TTN: variants seen among roughly 807,000 people sequenced by gnomAD.
TTN encodes the protein titin.
In TTN, 1,525 loss-of-function variants were observed where a neutral mutation model predicts 3,223.0. The observed-to-expected ratio is 0.47, with a 90% CI of 0.45 to 0.49. The LOEUF (loss-of-function observed/expected upper bound fraction) is 0.49, where lower values mean the gene tolerates loss of function less well. Ranked by LOEUF, TTN falls within the 20% of genes least tolerant of loss-of-function variation. The pLI is 0.00. For synonymous variants in TTN, 14,094 were observed against 15,161.0 expected (o/e 0.93, Z 5.17); for missense variants, 40,786 against 43,424.0 (o/e 0.94, Z 5.40).
chr2:178,667,220 A>G lies in TTN; in HGVS notation c.35797+16T>C, dbSNP rs1407065940. 3 of 1,578,106 alleles carry G rather than the reference A, an allele frequency of 1.9e-6. No homozygotes were observed. Among genetic ancestry groups the G allele is most frequent in the East Asian group, 4.6e-5 (2 of 43,870 alleles). On this transcript the variant is annotated intron_variant, in intron 162 of 362. Transcript: ENST00000589042. The stretch of plus-strand genomic sequence containing the variant: ...TATATTTTCTTCTTTAGATTTTCCT[A>G]ACTAGAGAATTATACCTTCAGTTGG...
At position 178,731,071 on chromosome 2, in the gene TTN, A is replaced by G. The variant is rs1372169677; in HGVS notation, c.17594T>C (p.Leu5865Pro). ...GACACTGATTTTATATTTTGAGCCC[A>G]GGGTCAGTTCTTGGCCATCTTTAAA... ...KWFKDGQELT[L>P]GSKYKISVTD... Residue 5865 changes from leucine (L) to proline (P), a missense_variant, in exon 60 of 363, where the codon CTG (leucine) becomes CCG (proline). Leu to Pro is a moderately conservative substitution (Grantham distance 98). Transcript: ENST00000589042. The G allele has an allele frequency of 1.9e-6, 3 of 1,613,590 alleles. No homozygotes were observed. The African/African-American group carries it at 4.0e-5, about 22-fold the overall frequency.
In TTN at chr2:178,580,625, T is replaced by C; in HGVS notation, c.66770-16A>G. On this transcript the variant is annotated splice_polypyrimidine_tract_variant and intron_variant, in intron 316 of 362. Transcript: ENST00000589042. Reference sequence around the variant, plus strand: ...TCAGGTGGAACTGTTTAATTTTGGGTGAAGAAGTTAAATAAAAATTTAATA... The same window carrying C: ...TCAGGTGGAACTGTTTAATTTTGGGCGAAGAAGTTAAATAAAAATTTAATA... 1 of 1,587,218 alleles carries C rather than the reference T, an allele frequency of 6.3e-7. No individual in the cohort carries two copies. Among genetic ancestry groups the C allele is most frequent in the African/African-American group, 1.4e-5 (1 of 73,166 alleles).
At chr2:178,751,905 G>T (rs1408998132) in intron 47 of TTN, 1 of 1,596,708 alleles carries the variant, frequency 6.3e-7, no homozygotes, top group Non-Finnish European at 8.5e-7. Context: ...AAATATTCAG[G>T]CCAGGAGCTT....
intron 330 of TTN, chr2:178,556,447 C>G (rs1701492293): frequency 4.6e-6 from 1 of 216,158 alleles, no homozygotes; most frequent in Admixed American, 5.9e-5. Flanking sequence ...AACAAACAAA[C>G]AAACAAACAA....
At position 178,594,630 on chromosome 2, in the gene TTN, A is replaced by G. The variant is rs878854320; in HGVS notation, c.57864T>C (p.Pro19288=). Residue 19288 remains proline, a synonymous_variant, in exon 296 of 363, where the codon CCT becomes CCC. Coordinates refer to ENST00000589042, the MANE Select transcript of TTN (RefSeq NM_001267550.2). ...IREPITVPER[P]EDLEVKEVTK... Reference sequence around the variant, plus strand: ...TAACTTCTTTGACTTCCAGGTCTTCAGGACGCTCTGGTACAGCTGCGAATA... The same window carrying G: ...TAACTTCTTTGACTTCCAGGTCTTCGGGACGCTCTGGTACAGCTGCGAATA... The G allele has an allele frequency of 6.2e-7, 1 of 1,609,774 alleles. No homozygotes were observed. Among genetic ancestry groups the G allele is most frequent in the African/African-American group, 1.3e-5 (1 of 74,848 alleles).
At chr2:178,608,516 T>C in intron 274 of TTN, 39 bp from the exon 275 acceptor site, 2 of 1,560,920 alleles carry the variant, frequency 1.3e-6, no homozygotes, top group African/African-American at 1.4e-5. Context: ...TTTCCCAGTA[T>C]GACATAAAAA....
At position 178,563,670 on chromosome 2, in the gene TTN, C is replaced by T. The variant is rs1704546804; in HGVS notation, c.82462G>A (p.Val27488Ile). The change falls in exon 326 of 363, where the codon GTA (valine) becomes ATA (isoleucine). Residue 27488 changes from valine (V) to isoleucine (I), a missense_variant. Transcript: ENST00000589042. The surrounding 1 kb of genome is among the most constrained non-coding windows in gnomAD (Gnocchi z 4.5). ...VSAITKDSMV[V>I]TWARPVDDGG... The stretch of plus-strand genomic sequence containing the variant: ...TCGTCTACTGGGCGTGCCCATGTTA[C>T]TACCATAGAATCTTTGGTGATTGCT... The T allele has an allele frequency of 2.0e-5, 32 of 1,613,782 alleles. No homozygotes were observed. The highest frequency in any genetic ancestry group is 2.6e-5 in the Non-Finnish European group (31 of 1,179,780).
intron 259 of TTN, 39 bp downstream of exon 259, chr2:178,615,268 G>A: frequency 1.2e-6 from 2 of 1,606,008 alleles, no homozygotes. Context: ...TTAGTGACTA[G>A]GAGTACACAT....
In TTN at chr2:178,740,128, CT is replaced by C. The variant is rs1222710178; in HGVS notation, c.13104del (p.Val4369CysfsTer25). ...AGGTCCCTTCCCTGTACCTCCTGCACTTTCTTTATTGCCACGGGCTCTCTTT... is the reference window on the plus strand; with the variant it reads ...AGGTCCCTTCCCTGTACCTCCTGCACTTCTTTATTGCCACGGGCTCTCTTT... ...ESKREPVAIK[K>X]VQEVQGRDLL... On this transcript the variant is annotated frameshift_variant, in exon 48 of 363. Coordinates refer to ENST00000589042, the MANE Select transcript of TTN (RefSeq NM_001267550.2). LOFTEE classifies it high-confidence loss of function. The C allele has an allele frequency of 1.2e-6, 2 of 1,613,744 alleles. No individual in the cohort carries two copies. Among genetic ancestry groups the C allele is most frequent in the African/African-American group, 2.7e-5 (2 of 74,922 alleles).
rs547265497 is a variant in TTN, at chr2:178,606,891, T to C, written c.53581+130A>G. ...TTTAATGTTGCTAATAGTTTTTTGA[T>C]TTACTTTTCTTATTACTCTTTAGCT... On this transcript the variant is annotated intron_variant, in intron 278 of 362. Transcript: ENST00000589042. 1.2e-5 allele frequency: 12 copies of C among 1,036,014 alleles called. No homozygotes were observed. In the Admixed American group the frequency reaches 3.6e-4, roughly 31 times the overall value. The allele number at this position is 1,036,014 out of a possible 1,614,324, so 64.2% of individuals were successfully genotyped here.
At chr2:178,528,008 C>T in intron 361 of TTN, 1 of 546,732 alleles carries the variant, frequency 1.8e-6, no homozygotes, top group Non-Finnish European at 3.2e-6. Context: ...AATGATTAGT[C>T]ATATAGAAAG....
chr2:178,593,067 A>G lies in TTN; in HGVS notation c.59052T>C (p.Pro19684=). 6.2e-7 allele frequency: 1 copy of G among 1,612,980 alleles called. No individual in the cohort carries two copies. The highest frequency in any genetic ancestry group is 8.5e-7 in the Non-Finnish European group (1 of 1,179,480). The part of the protein sequence containing the change: ...AKDPIAKPSP[P]VNPEAIDTTC... ...TTGTATCTATTGCTTCAGGATTAAC[A>G]GGTGGACTTGGTTTAGCTAAAAAAT... is the stretch of plus-strand genomic sequence containing the variant. Residue 19684 remains proline (P), a synonymous_variant, in exon 300 of 363, where the codon CCT becomes CCC. Transcript: ENST00000589042.
At position 178,684,422 on chromosome 2, in the gene TTN, A is replaced by C. The variant is rs1577379497; in HGVS notation, c.32639-9T>G. The stretch of plus-strand genomic sequence containing the variant: ...CATGTGCCTCTCAGTCACTTAAAAG[A>C]TAATTTTAGGATTAGGGAGTTATAT... On this transcript the variant is annotated splice_polypyrimidine_tract_variant and intron_variant, in intron 131 of 362. Transcript: ENST00000589042. 6.2e-7 allele frequency: 1 copy of C among 1,612,964 alleles called. No individual in the cohort carries two copies. The highest frequency in any genetic ancestry group is 1.3e-5 in the African/African-American group (1 of 74,998).
Position 178,567,497 on chromosome 2 carries a change from C to G in TTN, c.78635G>C (p.Arg26212Thr), listed in dbSNP as rs11685237. Reference protein sequence around the residue: ...TIVVNAGETFRLEADVHGKPL... With the variant: ...TIVVNAGETFTLEADVHGKPL... Reference sequence around the variant, plus strand: ...CTTTCCATGGACATCAGCCTCAAGTCTGAATGTTTCTCCAGCATTTACCAC... The same window carrying G: ...CTTTCCATGGACATCAGCCTCAAGTGTGAATGTTTCTCCAGCATTTACCAC... Residue 26212 changes from arginine to threonine, a missense_variant, in exon 326 of 363, where the codon AGA becomes ACA. Physicochemically the swap from Arg to Thr is moderately conservative, Grantham distance 71. Transcript: ENST00000589042. 1 of 1,612,912 alleles carries G rather than the reference C, an allele frequency of 6.2e-7. No individual in the cohort carries two copies. Among genetic ancestry groups the G allele is most frequent in the African/African-American group, 1.3e-5 (1 of 74,878 alleles).
chr2:178,575,917 A>G lies in TTN; in HGVS notation c.70215T>C (p.Cys23405=). ...ESFTLLIIPE[C]NRYDTGKFVM... ...CAAATTTACCGGTATCATATCTGTT[A>G]CATTCTGGGATAATCAGAAGAGTAA... Residue 23405 remains cysteine (C), a synonymous_variant, in exon 326 of 363, where the codon TGT becomes TGC. Transcript: ENST00000589042. This position sits in a 1 kb window ranked among gnomAD's most constrained non-coding sequence, Gnocchi z 4.0. 6.2e-7 allele frequency: 1 copy of G among 1,613,518 alleles called. No individual in the cohort carries two copies. Among genetic ancestry groups the G allele is most frequent in the Non-Finnish European group, 8.5e-7 (1 of 1,179,588 alleles).
chr2:178,712,983 C>A lies in TTN; in HGVS notation c.27050-8G>T. 1.2e-6 allele frequency: 2 copies of A among 1,610,262 alleles called. No homozygotes were observed. Among genetic ancestry groups the A allele is most frequent in the Non-Finnish European group, 1.7e-6 (2 of 1,177,456 alleles). The stretch of plus-strand genomic sequence containing the variant: ...GAACAAAAGATGGTGGTTCTAAACA[C>A]AAAAGCACATATCAGAAAAGGTTTA... On this transcript the variant is annotated splice_polypyrimidine_tract_variant and splice_region_variant and intron_variant, in intron 93 of 362. Transcript: ENST00000589042.
Position 178,727,246 on chromosome 2 carries a change from C to T in TTN, c.20119G>A (p.Glu6707Lys), listed in dbSNP as rs2079497465. Residue 6707 changes from glutamate to lysine, a missense_variant, in exon 69 of 363, where the codon GAA (glutamate) becomes AAA (lysine). Physicochemically the swap from Glu to Lys is moderately conservative, Grantham distance 56. Transcript: ENST00000589042. ...IRVVWFRNEH[E>K]LPASDKYRMT... is the part of the protein sequence containing the mutation. ...CTGTACTTATCACTGGCTGGAAGTT[C>T]ATGTTCATTTCGGAACCACACAACT... The T allele has an allele frequency of 6.2e-7, 1 of 1,613,200 alleles. No homozygotes were observed.
rs377270926 is a variant in TTN at position 178,594,644 on chromosome 2, C to T, written c.57850G>A (p.Val19284Ile). 6.9e-6 allele frequency: 11 copies of T among 1,595,312 alleles called. No homozygotes were observed. The highest frequency in any genetic ancestry group is 8.5e-6 in the Non-Finnish European group (10 of 1,170,680). ...EALVIREPITVPERPEDLEVK... is the reference protein window; with the variant it reads ...EALVIREPITIPERPEDLEVK... ...TCCAGGTCTTCAGGACGCTCTGGTA[C>T]AGCTGCGAATATAAGTATAGGAATT... Residue 19284 changes from valine (V) to isoleucine (I), a missense_variant and splice_region_variant, in exon 296 of 363, where the codon GTA (valine) becomes ATA (isoleucine). Transcript: ENST00000589042.
At chr2:178,541,738 G>A in intron 349 of TTN, 154 bp from the exon 350 acceptor site, 2 of 498,260 alleles carry the variant, frequency 4.0e-6, no homozygotes, top group Non-Finnish European at 6.3e-6. Context: ...TGTACTATTT[G>A]TAAATTTTAA....
Sources: gnomAD v4.1 joint callset for allele counts on GRCh38, gnomAD v4.1.1 for gene constraint, Gnocchi (gnomAD v3.1) non-coding constraint, MANE v1.5 for transcripts, NCBI Gene and HGNC (gene_info 2026-07-23, HGNC 2026-07-21) for gene names.